CA4: variants seen among roughly 807,000 people sequenced by gnomAD.
CA4 encodes carbonic anhydrase 4.
In CA4, 24 loss-of-function variants were observed where a neutral mutation model predicts 34.5. The ratio of observed to expected loss-of-function variants is 0.70; its 90% CI spans 0.50 to 0.98. The LOEUF (loss-of-function observed/expected upper bound fraction) is 0.98, where lower values mean the gene tolerates loss of function less well. CA4 is among the 50% of genes least tolerant of loss of function. The probability of loss-of-function intolerance (pLI) is 0.00; values close to 1 mark genes in which losing one functional copy is unlikely to be tolerated. For synonymous variants in CA4, 178 were observed against 170.6 expected, an observed-to-expected ratio of 1.04 and a Z score of -0.34; for missense variants, 394 against 396.7, an observed-to-expected ratio of 0.99 and a Z score of 0.06.
chr17:60,173,964 C>T (rs1466404809), downstream of CA4, among the ~76,000 whole-genome samples: 1 of 152,074 alleles, frequency 6.6e-6, no homozygotes, highest in East Asian at 1.9e-4. Context: ...GTGCTCACTC[C>T]CCTATTGTTT....
At chr17:60,175,257 C>T (rs369672249), downstream of CA4, among the ~76,000 whole-genome samples, 58 of 145,532 alleles carry the variant, frequency 4.0e-4, no homozygotes, top group African/African-American at 1.4e-3. Flanking sequence ...CTTGAACCAG[C>T]CCATTTTTAG....
chr17:60,159,383 G>T lies in CA4; in HGVS notation c.898G>T (p.Gly300Cys). ...PLPWALPALL[G>C]PMLACLLAGF... ...GCCCTGGGCCCTGCCTGCCCTGCTG[G>T]GCCCCATGCTGGCCTGCCTGCTGGC... The change falls in exon 8 of 8, where the codon GGC becomes TGC. Residue 300 changes from glycine (G) to cysteine (C), a missense_variant. Physicochemically the swap from Gly to Cys is radical, Grantham distance 159. Coordinates refer to ENST00000300900, the MANE Select transcript of CA4 (RefSeq NM_000717.5). 1 of 1,612,412 alleles carries T rather than the reference G, an allele frequency of 6.2e-7. No homozygotes were observed.
At chr17:60,157,028 GAC>G (rs2083699351) in intron 3 of CA4, 1 of 524,862 alleles carries the variant, frequency 1.9e-6, no homozygotes, top group African/African-American at 1.9e-5. Flanking sequence ...AGGAAGGACA[GAC>G]AGTGAAGCCA....
At chr17:60,157,363 G>A in intron 3 of CA4, 64 bp from the exon 4 acceptor site, 2 of 1,590,986 alleles carry the variant, frequency 1.3e-6, no homozygotes, top group Non-Finnish European at 1.7e-6. Context: ...GTGAAGCTGG[G>A]ATGAAGAGCT....
chr17:60,163,332 G>T (rs1286176115), downstream of CA4, among the ~76,000 whole-genome samples: 1 of 152,186 alleles, frequency 6.6e-6, no homozygotes, highest in Non-Finnish European at 1.5e-5. Flanking sequence ...TTGTGTGTGT[G>T]TTGGGGTGGG....
In CA4 at chr17:60,158,402, G is replaced by A. The variant is rs117704637; in HGVS notation, c.700G>A (p.Val234Ile). Residue 234 changes from valine (V) to isoleucine (I), a missense_variant, in exon 7 of 8, where the codon GTC becomes ATC. Physicochemically the swap from Val to Ile is conservative, Grantham distance 29. Coordinates refer to ENST00000300900, the MANE Select transcript of CA4 (RefSeq NM_000717.5). Reference protein sequence around the residue: ...LTTPTCDEKVVWTVFREPIQL... With the variant: ...LTTPTCDEKVIWTVFREPIQL... ...CACACCGACCTGCGATGAGAAGGTC[G>A]TCTGGACTGTGTTCCGGGAGCCCAT... is the stretch of plus-strand genomic sequence containing the variant. 22,263 of 1,614,080 alleles carry A rather than the reference G, an allele frequency of 0.014. 209 individuals are homozygous for A. The highest frequency in any genetic ancestry group is 0.017 in the Non-Finnish European group (20,243 of 1,179,988).
chr17:60,177,397 T>C, the CA4 span, among the ~76,000 whole-genome samples: 2 of 152,238 alleles, frequency 1.3e-5, no homozygotes, highest in African/African-American at 2.4e-5. Context: ...AGTCAGTGCA[T>C]TGTCAACAAG....
At chr17:60,175,713 TAA>T (rs934065080), downstream of CA4, among the ~76,000 whole-genome samples, 3 of 150,292 alleles carry the variant, frequency 2.0e-5, no homozygotes, top group Non-Finnish European at 3.0e-5. Context: ...GACTGGCACT[TAA>T]AAGAGTTGTG....
Position 60,156,582 on chromosome 17 carries a change from C to T in CA4, c.135C>T (p.Asn45=), listed in dbSNP as rs1431627496. ...PCLVPVKWGG[N]CQKDRQSPIN... ...CAGTGCCAGTCAAGTGGGGTGGAAA[C>T]TGCCAGAAGGACCGCCAGTCCCCCA... is the stretch of plus-strand genomic sequence containing the variant. The change falls in exon 3 of 8, where the codon AAC becomes AAT. Residue 45 remains asparagine (N), a synonymous_variant. Transcript: ENST00000300900. The T allele has an allele frequency of 1.2e-6, 2 of 1,614,104 alleles. No individual in the cohort carries two copies. The highest frequency in any genetic ancestry group is 1.3e-5 in the African/African-American group (1 of 74,944).
intron 2 of CA4, 137 bp from the exon 3 acceptor site, chr17:60,156,423 T>C: frequency 3.5e-6 from 3 of 850,984 alleles, no homozygotes; most frequent in South Asian, 2.7e-5. Flanking sequence ...TGAGCATCCC[T>C]GCAGCACAGC....
In CA4 at chr17:60,150,004, C is replaced by T. The variant is rs763463049; in HGVS notation, c.-31C>T. The T allele has an allele frequency of 9.4e-6, 15 of 1,587,452 alleles. No homozygotes were observed. The highest frequency in any genetic ancestry group is 1.7e-4 in the Middle Eastern group (1 of 6,004). On this transcript the variant is annotated 5_prime_UTR_variant, in exon 1 of 8. Transcript: ENST00000300900. ...GGCGGCCTCCTCGGTGCGCGACCCC[C>T]GGCTCAGAGGACTCTTTGCTGTCCC...
rs752851399 is a variant in CA4 at position 60,155,301 on chromosome 17, C to G, written c.59-13C>G. 2.0e-5 allele frequency: 33 copies of G among 1,610,778 alleles called. No homozygotes were observed. The highest frequency in any genetic ancestry group is 1.6e-4 in the Middle Eastern group (1 of 6,082). ...CACGCACGCACACTTCACACCCTTC[C>G]TCTCTGCTCCAGAGTCACACTGGTG... On this transcript the variant is annotated splice_polypyrimidine_tract_variant and intron_variant, in intron 1 of 7. Coordinates refer to ENST00000300900, the MANE Select transcript of CA4 (RefSeq NM_000717.5).
downstream of CA4, chr17:60,159,582 C>A: frequency 1.2e-6 from 1 of 820,662 alleles, no homozygotes; most frequent in East Asian, 2.7e-5. Context: ...TCCACAACTA[C>A]CCCACCCTGT....
chr17:60,156,037 G>C (rs2083677614), intron 2 of CA4, among the ~76,000 whole-genome samples: 1 of 152,084 alleles, frequency 6.6e-6, no homozygotes, highest in Admixed American at 6.6e-5. Flanking sequence ...CAGGGTTCGG[G>C]GAACCAGCTC....
At chr17:60,156,790 A>G (rs1183378836) in intron 3 of CA4, 75 bp downstream of exon 3, 49 of 1,401,612 alleles carry the variant, frequency 3.5e-5, no homozygotes, top group Non-Finnish European at 4.9e-5. Flanking sequence ...GGCTCCTCCC[A>G]GGAGGGTGTG....
downstream of CA4, among the ~76,000 whole-genome samples, chr17:60,161,279 C>T (rs2083785328): frequency 6.6e-6 from 1 of 152,054 alleles, no homozygotes; most frequent in Admixed American, 6.6e-5. Flanking sequence ...GAAGGGGACC[C>T]ACGCGGTCCC....
the CA4 span, among the ~76,000 whole-genome samples, chr17:60,177,840 C>G: frequency 6.6e-6 from 1 of 152,030 alleles, no homozygotes. Context: ...TAATTACTAT[C>G]TATGAGGAAG....
downstream of CA4, among the ~76,000 whole-genome samples, chr17:60,161,330 G>A (rs764451363): frequency 5.3e-5 from 8 of 152,148 alleles, no homozygotes; most frequent in East Asian, 1.9e-4. Context: ...CTGAGGGCCC[G>A]CAGCTGTCAG....
At chr17:60,162,238 C>G (rs1044927780), downstream of CA4, among the ~76,000 whole-genome samples, 1 of 152,162 alleles carries the variant, frequency 6.6e-6, no homozygotes, top group Non-Finnish European at 1.5e-5. Context: ...GCAGCTCACC[C>G]CGGGCACTGG....
Sources: gnomAD v4.1 joint callset for allele counts (sites outside exome capture counted in the v4.1 genomes callset) on GRCh38, gnomAD v4.1.1 for gene constraint, MANE v1.5 for transcripts, NCBI Gene and HGNC (gene_info 2026-07-23, HGNC 2026-07-21) for gene names.